The following DLC1 variants were observed in gnomAD, a reference collection of about 807,000 sequenced individuals.
DLC1 encodes the protein DLC1 Rho GTPase activating protein, also known as rho GTPase-activating protein 7.
DLC1 carries 54 observed loss-of-function variants against 140.3 expected under a neutral mutation model. That is an observed-to-expected ratio of 0.38 (90% CI 0.31 to 0.48). DLC1 has a LOEUF of 0.48. Among genes scored for constraint, DLC1 ranks in the 20% least tolerant of loss-of-function variants. The pLI, the probability that DLC1 is intolerant of heterozygous loss-of-function variation, is 0.96. For synonymous variants in DLC1, 986 were observed against 728.1 expected, an observed-to-expected ratio of 1.35 and a Z score of -5.70; for missense variants, 2,536 against 1,907.0, an observed-to-expected ratio of 1.33 and a Z score of -6.14.
intron 1 of DLC1, among the ~76,000 whole-genome samples, chr8:13,538,927 AT>A (rs1250454636): frequency 6.6e-6 from 1 of 151,980 alleles, no homozygotes; most frequent in African/African-American, 2.4e-5. Flanking sequence ...ATCTAATACA[AT>A]TTTTTCTATC....
At chr8:13,151,865 T>C (rs1373713055) in intron 5 of DLC1, among the ~76,000 whole-genome samples, 1 of 152,214 alleles carries the variant, frequency 6.6e-6, no homozygotes, top group Non-Finnish European at 1.5e-5. Flanking sequence ...CGGTAAAAGT[T>C]ATTTTTTTTA....
At chr8:13,108,870 C>T (rs1388965282) in intron 7 of DLC1, among the ~76,000 whole-genome samples, 2 of 152,112 alleles carry the variant, frequency 1.3e-5, no homozygotes, top group African/African-American at 4.8e-5. Flanking sequence ...GACTCCTTCC[C>T]CTCCCGAAAC....
chr8:13,521,493 G>C (rs920342772), intron 1 of DLC1, among the ~76,000 whole-genome samples: 1 of 151,960 alleles, frequency 6.6e-6, no homozygotes, highest in Non-Finnish European at 1.5e-5. Flanking sequence ...ATGGGGCCAC[G>C]CATTCTCTCC....
chr8:13,387,236 C>T (rs111773254), intron 4 of DLC1, among the ~76,000 whole-genome samples: 2 of 151,836 alleles, frequency 1.3e-5, no homozygotes, highest in Non-Finnish European at 2.9e-5. Context: ...ATTCTTTCCC[C>T]AAGACTTCAG....
chr8:13,546,144 G>A (rs1248908771), intron 1 of DLC1, among the ~76,000 whole-genome samples: 3 of 151,954 alleles, frequency 2.0e-5, no homozygotes, highest in Middle Eastern at 3.2e-3. Flanking sequence ...TAGGGCTCAT[G>A]GTCAGTTTGC....
At chr8:13,348,266 G>A (rs969827967) in intron 4 of DLC1, among the ~76,000 whole-genome samples, 3 of 152,112 alleles carry the variant, frequency 2.0e-5, no homozygotes, top group African/African-American at 7.2e-5. Flanking sequence ...TTGAAGGTTG[G>A]GCATGAGAAG....
chr8:13,450,175 G>A (rs1223805029), intron 2 of DLC1, among the ~76,000 whole-genome samples: 1 of 151,968 alleles, frequency 6.6e-6, no homozygotes, highest in African/African-American at 2.4e-5. Context: ...CCAAGGAGAG[G>A]CCAGGCATGG....
chr8:13,156,322 G>T (rs1160303063), intron 5 of DLC1, among the ~76,000 whole-genome samples: 2 of 152,074 alleles, frequency 1.3e-5, no homozygotes, highest in African/African-American at 4.8e-5. Context: ...ACAGTATCCT[G>T]AGTACATAGT....
chr8:13,304,592 A>G (rs117809560), intron 5 of DLC1: 8,115 of 771,918 alleles, frequency 0.011, 84 homozygotes, highest in South Asian at 0.038. Context: ...AATGTCTACA[A>G]ACTAAGTGAT....
In DLC1 at chr8:13,380,127, G is replaced by A. The variant is rs75933882; in HGVS notation, c.1314+13426C>T. On this transcript the variant is annotated intron_variant, in intron 4 of 17. Coordinates refer to ENST00000276297, the MANE Select transcript of DLC1 (RefSeq NM_182643.3). ...CATAAAAGTTTGACTGGGATGGAAG[G>A]AAGTTTCATTAGCACTTGCTAGAAC... 9.5e-3 allele frequency among the ~76,000 whole-genome samples: 1,449 copies of A among 152,262 alleles called. 20 individuals are homozygous for A. The highest frequency in any genetic ancestry group is 0.033 in the African/African-American group (1,368 of 41,536).
At chr8:13,459,346 G>A (rs1180316330) in intron 2 of DLC1, among the ~76,000 whole-genome samples, 7 of 152,140 alleles carry the variant, frequency 4.6e-5, no homozygotes, top group Non-Finnish European at 7.3e-5. Flanking sequence ...ATGTCAGAAG[G>A]TGGTCTTTTC....
chr8:13,159,123 C>G (rs1048883776), intron 5 of DLC1, among the ~76,000 whole-genome samples: 8 of 152,076 alleles, frequency 5.3e-5, no homozygotes, highest in Non-Finnish European at 1.0e-4. Context: ...TGTTATCTAC[C>G]CACGTGGGAC....
intron 5 of DLC1, chr8:13,133,225 C>G (rs17553593): frequency 2.8e-6 from 4 of 1,412,384 alleles, no homozygotes; most frequent in Non-Finnish European, 3.7e-6. Context: ...GCTCCTGATG[C>G]GGAGAGGTGC....
At chr8:13,518,292 A>G (rs138607492), upstream of DLC1, among the ~76,000 whole-genome samples, 228 of 152,198 alleles carry the variant, frequency 1.5e-3, no homozygotes, top group African/African-American at 5.3e-3. Context: ...TATTTTTAGT[A>G]GAGACAGGGT....
chr8:13,398,129 C>A (rs1336809269), intron 3 of DLC1, among the ~76,000 whole-genome samples: 1 of 149,934 alleles, frequency 6.7e-6, no homozygotes, highest in Non-Finnish European at 1.5e-5. Context: ...GAGTCCATCT[C>A]AAAAAAAAGA....
At chr8:13,156,310 A>G (rs938192601) in intron 5 of DLC1, among the ~76,000 whole-genome samples, 1 of 152,166 alleles carries the variant, frequency 6.6e-6, no homozygotes, top group African/African-American at 2.4e-5. Flanking sequence ...TTACATTCAC[A>G]TACAGTATCC....
At chr8:13,292,442 C>A (rs929448159) in intron 5 of DLC1, among the ~76,000 whole-genome samples, 1 of 152,030 alleles carries the variant, frequency 6.6e-6, no homozygotes, top group Non-Finnish European at 1.5e-5. Flanking sequence ...TTTTGGTGTT[C>A]GAAAATATTA....
chr8:13,483,738 A>G (rs926622480), intron 2 of DLC1, among the ~76,000 whole-genome samples: 4 of 152,124 alleles, frequency 2.6e-5, no homozygotes, highest in Non-Finnish European at 4.4e-5. Context: ...TGTCTTCCAT[A>G]TTGGAATTTT....
chr8:13,306,042 C>A (rs560683340), intron 4 of DLC1, among the ~76,000 whole-genome samples: 2 of 152,206 alleles, frequency 1.3e-5, no homozygotes, highest in African/African-American at 4.8e-5. Context: ...GCTCAGGTTC[C>A]TTCTTTATTA....
Sources: gnomAD v4.1 joint callset for allele counts (sites outside exome capture counted in the v4.1 genomes callset) on GRCh38, gnomAD v4.1.1 for gene constraint, MANE v1.5 for transcripts, NCBI Gene and HGNC (gene_info 2026-07-23, HGNC 2026-07-21) for gene names.